KCNH4: variants seen among roughly 807,000 people sequenced by gnomAD.
KCNH4 encodes the protein potassium voltage-gated channel subfamily H member 4, also known as voltage-gated delayed rectifier potassium channel KCNH4.
A neutral mutation model predicts 90.7 loss-of-function variants in KCNH4; 33 were observed. The ratio of observed to expected loss-of-function variants is 0.36; its 90% CI spans 0.28 to 0.49. KCNH4 has a LOEUF of 0.49. Among genes scored for constraint, KCNH4 ranks in the 20% least tolerant of loss-of-function variants. The probability of loss-of-function intolerance (pLI) is 0.98; values close to 1 mark genes in which losing one functional copy is unlikely to be tolerated. For missense variants in KCNH4, 1,044 were observed against 1,387.1 expected, an observed-to-expected ratio of 0.75 and a Z score of 3.93; for synonymous variants, 551 against 581.7, an observed-to-expected ratio of 0.95 and a Z score of 0.76.
chr17:42,168,500 C>T (rs892787485), intron 9 of KCNH4, among the ~76,000 whole-genome samples: 5 of 151,994 alleles, frequency 3.3e-5, no homozygotes, highest in African/African-American at 1.2e-4. Context: ...AAAAATCAGC[C>T]GAGCATGGTG....
chr17:42,178,298 C>T (rs1378584707), intron 3 of KCNH4, 33 bp downstream of exon 3: 1 of 1,613,980 alleles, frequency 6.2e-7, no homozygotes, highest in Non-Finnish European at 8.5e-7. Context: ...AGGCTTCTGA[C>T]CATTCACACT....
At chr17:42,175,216 C>A (rs1476542497) in intron 6 of KCNH4, among the ~76,000 whole-genome samples, 2 of 152,236 alleles carry the variant, frequency 1.3e-5, no homozygotes, top group East Asian at 3.8e-4. Flanking sequence ...TCCCTTTCCC[C>A]ACAGTGGCCA....
chr17:42,160,520 C>T lies in KCNH4; in HGVS notation c.2659-85G>A, dbSNP rs116864662. 189 of 1,414,330 alleles carry T rather than the reference C, an allele frequency of 1.3e-4. No individual in the cohort carries two copies. In the East Asian group the frequency reaches 4.0e-3, roughly 30 times the overall value. 87.6% of individuals were successfully genotyped at this position (1,414,330 alleles called of 1,614,324 possible). A position where few individuals can be genotyped will look rare whatever the true frequency, so the allele number is the denominator to read the frequency against. On this transcript the variant is annotated intron_variant, in intron 15 of 16. Transcript: ENST00000264661. ...CTCTCCAGTTTACAAAGCTCTTTCG[C>T]AGCCACTTTCTGCTCATGGCCACCC...
rs985190575 is a variant in KCNH4 at position 42,159,409 on chromosome 17, C to G, written c.*309+322G>C. ...CGAAGAGTACATATCTGGAGCCATC[C>G]GTTTGTTTCCTGTGTGGGCTGTGGG... On this transcript the variant is annotated intron_variant, in intron 16 of 16. Coordinates refer to ENST00000264661, the MANE Select transcript of KCNH4 (RefSeq NM_012285.3). 9.1e-4 allele frequency among the ~76,000 whole-genome samples: 139 copies of G among 152,134 alleles called. 1 individual carries two copies. Among genetic ancestry groups the G allele is most frequent in the African/African-American group, 3.1e-3 (127 of 41,506 alleles).
chr17:42,175,814 G>A, intron 5 of KCNH4, 78 bp from the exon 6 acceptor site: 1 of 1,525,426 alleles, frequency 6.6e-7, no homozygotes, highest in Non-Finnish European at 9.0e-7. Context: ...ACAAGCTTTG[G>A]AGACTGGAGG....
At position 42,181,040 on chromosome 17, in the gene KCNH4, T is replaced by G; in HGVS notation, c.-95A>C. On this transcript the variant is annotated 5_prime_UTR_variant, in exon 1 of 17. An upstream start codon of the reference 5' UTR is lost. Coordinates refer to ENST00000264661, the MANE Select transcript of KCNH4 (RefSeq NM_012285.3). The stretch of plus-strand genomic sequence containing the variant: ...CTGTCGGAGGGGCCGGGGCGCCCCA[T>G]GCGCCCTCCTGCCTCCTCCCCTCCC... 1.9e-6 allele frequency: 2 copies of G among 1,059,240 alleles called. No homozygotes were observed. Among genetic ancestry groups the G allele is most frequent in the Non-Finnish European group, 2.8e-6 (2 of 725,464 alleles). The allele number at this position is 1,059,240 out of a possible 1,614,324, so 65.6% of individuals were successfully genotyped here.
Position 42,163,034 on chromosome 17 carries a change from C to T in KCNH4, c.2584+194G>A, listed in dbSNP as rs1331126013. 3.9e-5 allele frequency among the ~76,000 whole-genome samples: 6 copies of T among 152,360 alleles called. No homozygotes were observed. In the South Asian group the frequency reaches 1.2e-3, roughly 32 times the overall value. On this transcript the variant is annotated intron_variant, in intron 14 of 16. Coordinates refer to ENST00000264661, the MANE Select transcript of KCNH4 (RefSeq NM_012285.3). The surrounding 1 kb of genome is among the most constrained non-coding windows in gnomAD (Gnocchi z 5.4). ...TGTTCTTGTCTGTCATGGTATTTAG[C>T]ATCTGGAATTGTTTATCTGTGTACA...
intron 14 of KCNH4, 36 bp from the exon 15 acceptor site, chr17:42,162,357 C>G (rs1236836922): frequency 1.3e-6 from 2 of 1,571,452 alleles, no homozygotes; most frequent in Non-Finnish European, 1.7e-6. Context: ...GTTCATGGAG[C>G]ATTAATACCT....
At chr17:42,168,347 CA>C (rs1484469123) in intron 9 of KCNH4, among the ~76,000 whole-genome samples, 2 of 152,146 alleles carry the variant, frequency 1.3e-5, no homozygotes, top group African/African-American at 4.8e-5. Flanking sequence ...TATTCAAGTG[CA>C]AAGAAACAAG....
At chr17:42,175,204 G>T (rs1235916750) in intron 6 of KCNH4, among the ~76,000 whole-genome samples, 1 of 152,198 alleles carries the variant, frequency 6.6e-6, no homozygotes, top group African/African-American at 2.4e-5. Flanking sequence ...CTGAATCCTT[G>T]TTCCCTTTCC....
chr17:42,159,695 G>A, intron 16 of KCNH4, 36 bp downstream of exon 16: 1 of 206,946 alleles, frequency 4.8e-6, no homozygotes, highest in East Asian at 1.1e-4. Context: ...CTGGAGCTGG[G>A]TCCCTTGCCC....
Position 42,180,349 on chromosome 17 carries a change from G to T in KCNH4, c.76+521C>A, listed in dbSNP as rs1280967960. On this transcript the variant is annotated intron_variant, in intron 1 of 16. Transcript: ENST00000264661. This position sits in a 1 kb window ranked among gnomAD's most constrained non-coding sequence, Gnocchi z 4.7. ...GGGCGAGCTGGGAGTTCCCACCGTC[G>T]CACAGACCGCTCCCCTCCTCCTGCC... 1.3e-5 allele frequency among the ~76,000 whole-genome samples: 2 copies of T among 152,212 alleles called. No homozygotes were observed. Among genetic ancestry groups the T allele is most frequent in the African/African-American group, 4.8e-5 (2 of 41,524 alleles).
intron 4 of KCNH4, among the ~76,000 whole-genome samples, chr17:42,177,645 A>G (rs1340025147): frequency 6.6e-6 from 1 of 152,232 alleles, no homozygotes; most frequent in Non-Finnish European, 1.5e-5. Context: ...AGAGGCTGGC[A>G]TAGCCCACCG....
At position 42,180,209 on chromosome 17, in the gene KCNH4, G is replaced by A. The variant is rs1183116350; in HGVS notation, c.76+661C>T. ...CCGAGGGAATGGCGGGGTTGGGGGAGGTGAGGGCGGGGAATCTCTGGGTTC... is the reference window on the plus strand; with the variant it reads ...CCGAGGGAATGGCGGGGTTGGGGGAAGTGAGGGCGGGGAATCTCTGGGTTC... On this transcript the variant is annotated intron_variant, in intron 1 of 16. Transcript: ENST00000264661. The surrounding 1 kb of genome is among the most constrained non-coding windows in gnomAD (Gnocchi z 4.7). 6.6e-6 allele frequency among the ~76,000 whole-genome samples: 1 copy of A among 152,232 alleles called. No individual in the cohort carries two copies. Among genetic ancestry groups the A allele is most frequent in the Non-Finnish European group, 1.5e-5 (1 of 68,028 alleles).
At chr17:42,167,911 C>T (rs2079798847) in intron 9 of KCNH4, among the ~76,000 whole-genome samples, 1 of 152,186 alleles carries the variant, frequency 6.6e-6, no homozygotes. Flanking sequence ...TGCCTCCCAG[C>T]CCATGTCGTG....
In KCNH4 at chr17:42,180,982, A is replaced by G; in HGVS notation, c.-37T>C. ...GTGGGTTCAAGGCGCGGCGCTGGGG[A>G]GCTTTCAGCGCGGCCGGGCCGGAGG... On this transcript the variant is annotated 5_prime_UTR_variant, in exon 1 of 17. Coordinates refer to ENST00000264661, the MANE Select transcript of KCNH4 (RefSeq NM_012285.3). The surrounding 1 kb of genome is among the most constrained non-coding windows in gnomAD (Gnocchi z 4.7). The G allele has an allele frequency of 1.9e-6, 3 of 1,588,760 alleles. No individual in the cohort carries two copies. The highest frequency in any genetic ancestry group is 2.6e-6 in the Non-Finnish European group (3 of 1,164,904).
rs1568031893 is a variant in KCNH4, at chr17:42,163,457, T to C, written c.2478-123A>G. On this transcript the variant is annotated intron_variant, in intron 13 of 16. Coordinates refer to ENST00000264661, the MANE Select transcript of KCNH4 (RefSeq NM_012285.3). This position sits in a 1 kb window ranked among gnomAD's most constrained non-coding sequence, Gnocchi z 5.4. ...GAGCAAGAGCAGCAGTCAAAGTGGG[T>C]TGGGGTTGCAAGCTGTGGTTGGAAG... 1 of 802,846 alleles carries C rather than the reference T, an allele frequency of 1.2e-6. No homozygotes were observed. 49.7% of individuals were successfully genotyped at this position (802,846 alleles called of 1,614,324 possible). A position where few individuals can be genotyped will look rare whatever the true frequency, so the allele number is the denominator to read the frequency against.
chr17:42,162,028 C>G (rs1351233288), intron 15 of KCNH4, among the ~76,000 whole-genome samples: 2 of 146,926 alleles, frequency 1.4e-5, no homozygotes, highest in East Asian at 4.1e-4. Flanking sequence ...GCAATTTTGT[C>G]TCACTGCAAC....
In KCNH4 at chr17:42,166,526, G is replaced by A. The variant is rs1006582179; in HGVS notation, c.1611C>T (p.Asp537=). ...GCATAGCAATGTCAGCTCTCAGCTC[G>A]TCTGGGAAGTCACGCAGTAACTGCA... The part of the protein sequence containing the change: ...DANELLRDFP[D]ELRADIAMHL... The change falls in exon 10 of 17, where the codon GAC becomes GAT. Residue 537 remains aspartate (D), a synonymous_variant. Transcript: ENST00000264661. 9 of 1,612,624 alleles carry A rather than the reference G, an allele frequency of 5.6e-6. No homozygotes were observed. Among genetic ancestry groups the A allele is most frequent in the East Asian group, 4.5e-5 (2 of 44,820 alleles).
Sources: gnomAD v4.1 joint callset for allele counts (sites outside exome capture counted in the v4.1 genomes callset) on GRCh38, gnomAD v4.1.1 for gene constraint, Gnocchi (gnomAD v3.1) non-coding constraint, MANE v1.5 for transcripts, NCBI Gene and HGNC (gene_info 2026-07-23, HGNC 2026-07-21) for gene names.